Variants in TBL1XR1 observed in about 807,000 individuals in gnomAD.
TBL1XR1 encodes TBL1X/Y related 1.
In TBL1XR1, 5 loss-of-function variants were observed where a neutral mutation model predicts 66.9. That is an observed-to-expected ratio of 0.07 (90% CI 0.04 to 0.16). The LOEUF is 0.16. Among genes scored for constraint, TBL1XR1 ranks in the 10% least tolerant of loss-of-function variants. The pLI, the probability that TBL1XR1 is intolerant of heterozygous loss-of-function variation, is 1.00. For synonymous variants in TBL1XR1, 210 were observed against 206.0 expected (o/e 1.02, Z -0.17); for missense variants, 238 against 623.2 (o/e 0.38, Z 6.58).
chr3:177,161,721 T>C (rs1732231931), intron 1 of TBL1XR1, among the ~76,000 whole-genome samples: 1 of 151,286 alleles, frequency 6.6e-6, no homozygotes, highest in South Asian at 2.1e-4. Flanking sequence ...GAGGTAGAGG[T>C]TGCAGTGAGC....
intron 2 of TBL1XR1, among the ~76,000 whole-genome samples, chr3:177,083,050 C>T (rs1721639382): frequency 6.6e-6 from 1 of 151,886 alleles, no homozygotes; most frequent in African/African-American, 2.4e-5. Context: ...CTAATCAATC[C>T]AATCTCGCTA....
intron 1 of TBL1XR1, among the ~76,000 whole-genome samples, chr3:177,190,324 TTG>T (rs1363938462): frequency 1.3e-5 from 2 of 152,098 alleles, no homozygotes; most frequent in African/African-American, 4.8e-5. Flanking sequence ...TTTTCTTTTT[TTG>T]TGTATGTGAC....
intron 1 of TBL1XR1, among the ~76,000 whole-genome samples, chr3:177,172,262 A>AAAG (rs1733616248): frequency 3.4e-5 from 1 of 29,054 alleles, no homozygotes. Flanking sequence ...CTCCCACCTC[A>AAAG]AAAAAAAAAA....
intron 1 of TBL1XR1, among the ~76,000 whole-genome samples, chr3:177,135,074 C>T (rs1292516047): frequency 6.6e-6 from 1 of 151,242 alleles, no homozygotes; most frequent in Non-Finnish European, 1.5e-5. Context: ...GCCATCTCTG[C>T]TCACTGCAAC....
chr3:177,143,723 T>C (rs993797029), intron 1 of TBL1XR1, among the ~76,000 whole-genome samples: 7 of 152,218 alleles, frequency 4.6e-5, no homozygotes, highest in African/African-American at 1.7e-4. Context: ...TATCCAATTG[T>C]TTAGGTTTCA....
At chr3:177,112,653 C>T (rs1383929940) in intron 1 of TBL1XR1, among the ~76,000 whole-genome samples, 3 of 151,954 alleles carry the variant, frequency 2.0e-5, no homozygotes, top group East Asian at 3.9e-4. Flanking sequence ...ATTAGGTGCC[C>T]GGCCAAATTT....
chr3:177,071,905 G>A (rs1210113159), intron 2 of TBL1XR1, among the ~76,000 whole-genome samples: 1 of 152,166 alleles, frequency 6.6e-6, no homozygotes, highest in Non-Finnish European at 1.5e-5. Context: ...TGGCAGTACT[G>A]TCATATAAAA....
intron 5 of TBL1XR1, among the ~76,000 whole-genome samples, chr3:177,051,092 G>A (rs994994096): frequency 2.6e-5 from 4 of 151,968 alleles, no homozygotes; most frequent in African/African-American, 7.3e-5. Flanking sequence ...TGGGAAAAGG[G>A]TTTCTAGATA....
chr3:177,172,563 G>A (rs558602310), intron 1 of TBL1XR1, among the ~76,000 whole-genome samples: 2 of 150,824 alleles, frequency 1.3e-5, no homozygotes, highest in South Asian at 2.1e-4. Context: ...CGGAAGGTTA[G>A]TGAGCCATAA....
intron 1 of TBL1XR1, among the ~76,000 whole-genome samples, chr3:177,132,081 C>G (rs1457161803): frequency 1.3e-5 from 2 of 152,184 alleles, no homozygotes; most frequent in African/African-American, 4.8e-5. Context: ...ATCCCAAGAG[C>G]TATGGCCTGT....
intron 1 of TBL1XR1, among the ~76,000 whole-genome samples, chr3:177,118,728 A>C (rs1726611962): frequency 6.6e-6 from 1 of 152,192 alleles, no homozygotes; most frequent in Non-Finnish European, 1.5e-5. Flanking sequence ...ACCACCCTGA[A>C]GTTTGTATTT....
At chr3:177,050,173 G>T (rs760163248) in intron 6 of TBL1XR1, 35 bp from the exon 7 acceptor site, 1 of 1,604,916 alleles carries the variant, frequency 6.2e-7, no homozygotes, top group Non-Finnish European at 8.5e-7. Context: ...AGATCCTCAT[G>T]ACATTCTCAC....
chr3:177,188,606 G>C (rs749224033), intron 1 of TBL1XR1, among the ~76,000 whole-genome samples: 17 of 152,110 alleles, frequency 1.1e-4, no homozygotes, highest in Non-Finnish European at 2.2e-4. Flanking sequence ...TTGCAGCCCA[G>C]AGTTTTGTTT....
intron 2 of TBL1XR1, among the ~76,000 whole-genome samples, chr3:177,088,252 C>A (rs986387665): frequency 3.3e-5 from 5 of 152,094 alleles, no homozygotes; most frequent in African/African-American, 9.7e-5. Context: ...GTTTTTGGAG[C>A]AGTGACATAA....
intron 1 of TBL1XR1, among the ~76,000 whole-genome samples, chr3:177,158,592 A>C (rs563701559): frequency 1.3e-5 from 2 of 152,282 alleles, no homozygotes; most frequent in South Asian, 4.1e-4. Flanking sequence ...GTATACTCCT[A>C]AATTTCATAT....
chr3:177,164,001 C>T (rs1237281295), intron 1 of TBL1XR1: 7 of 152,154 alleles, frequency 4.6e-5, no homozygotes, highest in African/African-American at 1.7e-4. Flanking sequence ...CCAATACGTT[C>T]CTGAAAAGGA....
At chr3:177,130,167 GA>G (rs1728128386) in intron 1 of TBL1XR1, among the ~76,000 whole-genome samples, 2 of 137,500 alleles carry the variant, frequency 1.5e-5, no homozygotes, top group South Asian at 4.6e-4. Context: ...AAGAAAGAAA[GA>G]AAAAGAATAA....
chr3:177,071,029 C>CTTTTTT (rs1553825595), intron 2 of TBL1XR1, among the ~76,000 whole-genome samples: 2 of 82,956 alleles, frequency 2.4e-5, no homozygotes, highest in African/African-American at 9.8e-5. Flanking sequence ...TTCTGAGAAT[C>CTTTTTT]TGTTTTTTTT....
chr3:177,119,486 A>T (rs952839811), intron 1 of TBL1XR1, among the ~76,000 whole-genome samples: 1 of 152,134 alleles, frequency 6.6e-6, no homozygotes, highest in Non-Finnish European at 1.5e-5. Context: ...TGGTTAGGGG[A>T]AGGGGTGTTT....
Sources: gnomAD v4.1 joint callset for allele counts (sites outside exome capture counted in the v4.1 genomes callset) on GRCh38, gnomAD v4.1.1 for gene constraint, MANE v1.5 for transcripts, NCBI Gene and HGNC (gene_info 2026-07-23, HGNC 2026-07-21) for gene names.